CCDC6: variants seen among roughly 807,000 people sequenced by gnomAD.
The protein encoded by CCDC6 is coiled-coil domain containing 6.
A neutral mutation model predicts 56.6 loss-of-function variants in CCDC6; 20 were observed. The observed-to-expected ratio is 0.35, with a 90% CI of 0.25 to 0.51. The LOEUF (loss-of-function observed/expected upper bound fraction) is 0.51. Ranked by LOEUF, CCDC6 falls within the 20% of genes least tolerant of loss-of-function variation. CCDC6 has a pLI of 0.95. For synonymous variants in CCDC6, 241 were observed against 234.4 expected, an observed-to-expected ratio of 1.03 and a Z score of -0.26; for missense variants, 367 against 601.1, an observed-to-expected ratio of 0.61 and a Z score of 4.07.
chr10:59,818,372 C>T (rs2070723964), intron 3 of CCDC6, among the ~76,000 whole-genome samples: 1 of 151,872 alleles, frequency 6.6e-6, no homozygotes, highest in South Asian at 2.1e-4. Context: ...GGTTTGCTGT[C>T]CCAATTTGCT....
chr10:59,789,189 T>C lies in CCDC6; in HGVS notation c.*3728A>G, dbSNP rs182345896. 9.0e-4 allele frequency: 209 copies of C among 230,962 alleles called. 1 individual carries two copies. Among genetic ancestry groups the C allele is most frequent in the African/African-American group, 4.3e-3 (196 of 45,312 alleles). 14.3% of individuals were successfully genotyped at this position (230,962 alleles called of 1,614,324 possible). A position where few individuals can be genotyped will look rare whatever the true frequency, so the allele number is the denominator to read the frequency against. On this transcript the variant is annotated 3_prime_UTR_variant, in exon 9 of 9. Transcript: ENST00000263102. The stretch of plus-strand genomic sequence containing the variant: ...TGCCAGGATGAAGTTCAGACCGAGA[T>C]GTACAATACAATCTAGATGACGGTG...
At chr10:59,880,674 A>G (rs1394305917) in intron 1 of CCDC6, among the ~76,000 whole-genome samples, 1 of 152,242 alleles carries the variant, frequency 6.6e-6, no homozygotes, top group Non-Finnish European at 1.5e-5. Context: ...AAAGGAAAAG[A>G]TAAAGTGGTA....
chr10:59,827,379 G>A (rs1479300014), intron 3 of CCDC6, among the ~76,000 whole-genome samples: 1 of 152,164 alleles, frequency 6.6e-6, no homozygotes, highest in Admixed American at 6.5e-5. Flanking sequence ...TCAGTGACTA[G>A]GTTACCATAT....
Position 59,812,735 on chromosome 10 carries a change from G to A in CCDC6, c.747C>T (p.Ser249=), listed in dbSNP as rs1336556926. The A allele has an allele frequency of 2.5e-6, 4 of 1,609,292 alleles. No homozygotes were observed. The highest frequency in any genetic ancestry group is 2.7e-5 in the African/African-American group (2 of 74,778). Residue 249 remains serine, a synonymous_variant, in exon 5 of 9, where the codon TCC becomes TCT. Transcript: ENST00000263102. ...TATTTTCTGGAGAATCAATCTCCAT[G>A]GAGATATCTCTAGGCGATGGTGGAG... ...VSAPPSPRDI[S]MEIDSPENMM...
At position 59,852,086 on chromosome 10, in the gene CCDC6, C is replaced by T. The variant is rs75059403; in HGVS notation, c.453+467G>A. ...AACATATTACTCACCCATTTGAACA[C>T]GGTTGATTGTGGGTAGTTTTAACTA... is the stretch of plus-strand genomic sequence containing the variant. On this transcript the variant is annotated intron_variant, in intron 2 of 8. Coordinates refer to ENST00000263102, the MANE Select transcript of CCDC6 (RefSeq NM_005436.5). Among the ~76,000 whole-genome samples the T allele has an allele frequency of 2.3e-3, 343 of 152,238 alleles. 2 individuals are homozygous for T. The highest frequency in any genetic ancestry group is 7.9e-3 in the African/African-American group (328 of 41,538).
intron 7 of CCDC6, among the ~76,000 whole-genome samples, chr10:59,802,130 C>A (rs1200225519): frequency 6.6e-6 from 1 of 152,140 alleles, no homozygotes; most frequent in Non-Finnish European, 1.5e-5. Flanking sequence ...AAATGATGGA[C>A]AAACTGAAAG....
At chr10:59,891,008 G>C (rs1394556245) in intron 1 of CCDC6, among the ~76,000 whole-genome samples, 4 of 152,026 alleles carry the variant, frequency 2.6e-5, no homozygotes, top group African/African-American at 9.7e-5. Context: ...CTTGCGATAG[G>C]GCAGACAGAT....
At chr10:59,840,560 A>G (rs1282776426) in intron 2 of CCDC6, among the ~76,000 whole-genome samples, 3 of 152,166 alleles carry the variant, frequency 2.0e-5, no homozygotes, top group Non-Finnish European at 4.4e-5. Context: ...TCCCAAATTT[A>G]TATCTCTAGC....
At chr10:59,878,952 T>C (rs2071308447) in intron 1 of CCDC6, among the ~76,000 whole-genome samples, 1 of 152,202 alleles carries the variant, frequency 6.6e-6, no homozygotes, top group South Asian at 2.1e-4. Context: ...GGAAGGGATA[T>C]CTTCTTGGCC....
Position 59,788,989 on chromosome 10 carries a change from C to T in CCDC6, c.*3928G>A, listed in dbSNP as rs1381113208. ...TGCACAGATATGCAGAGGCAAAAGG[C>T]ATGCTAGCGCTTGGCTCTCCTCTTT... On this transcript the variant is annotated 3_prime_UTR_variant, in exon 9 of 9. Coordinates refer to ENST00000263102, the MANE Select transcript of CCDC6 (RefSeq NM_005436.5). 4.6e-6 allele frequency: 1 copy of T among 219,442 alleles called. No individual in the cohort carries two copies. Among genetic ancestry groups the T allele is most frequent in the African/African-American group, 2.2e-5 (1 of 44,552 alleles). The allele number at this position is 219,442 out of a possible 1,614,324, so 13.6% of individuals were successfully genotyped here. A position where few individuals can be genotyped will look rare whatever the true frequency, so the allele number is the denominator to read the frequency against.
intron 7 of CCDC6, among the ~76,000 whole-genome samples, chr10:59,801,044 TAAAAG>T (rs1033082249): frequency 3.3e-5 from 5 of 152,152 alleles, no homozygotes; most frequent in African/African-American, 9.7e-5. Context: ...ACCAACTACT[TAAAAG>T]AAAACTGCAA....
rs1217819021 is a variant in CCDC6, at chr10:59,906,446, G to A, written c.-22C>T. On this transcript the variant is annotated 5_prime_UTR_variant, in exon 1 of 9. Coordinates refer to ENST00000263102, the MANE Select transcript of CCDC6 (RefSeq NM_005436.5). ...CCATGGCCGCGGCGGGCTGGGGAAA[G>A]GAGGAGGAGCAGCAGGGAGGCGGCG... 25 of 1,491,468 alleles carry A rather than the reference G, an allele frequency of 1.7e-5. No individual in the cohort carries two copies. Among genetic ancestry groups the A allele is most frequent in the Non-Finnish European group, 2.1e-5 (24 of 1,136,856 alleles). 92.4% of individuals were successfully genotyped at this position (1,491,468 alleles called of 1,614,324 possible). A position where few individuals can be genotyped will look rare whatever the true frequency, so the allele number is the denominator to read the frequency against.
At chr10:59,858,940 T>C (rs535417068) in intron 1 of CCDC6, among the ~76,000 whole-genome samples, 2 of 152,310 alleles carry the variant, frequency 1.3e-5, no homozygotes, top group East Asian at 3.9e-4. Context: ...AAGGTCGCTG[T>C]GCCTTTGTCC....
At chr10:59,825,317 G>A (rs1370550837) in intron 3 of CCDC6, among the ~76,000 whole-genome samples, 3 of 152,188 alleles carry the variant, frequency 2.0e-5, no homozygotes, top group African/African-American at 7.2e-5. Context: ...AGGGGTTTCT[G>A]CTTTTGCGTA....
intron 1 of CCDC6, among the ~76,000 whole-genome samples, chr10:59,893,363 C>T (rs899006780): frequency 1.3e-5 from 2 of 152,110 alleles, no homozygotes; most frequent in African/African-American, 4.8e-5. Flanking sequence ...CTTTGGGAAG[C>T]TGAGGTGGGA....
intron 1 of CCDC6, among the ~76,000 whole-genome samples, chr10:59,901,397 G>C (rs889486001): frequency 3.3e-5 from 5 of 152,194 alleles, no homozygotes; most frequent in Non-Finnish European, 2.9e-5. Flanking sequence ...TAGACTTCCA[G>C]AGTAAATAAT....
intron 1 of CCDC6, among the ~76,000 whole-genome samples, chr10:59,897,287 C>T (rs1394340590): frequency 6.6e-6 from 1 of 151,136 alleles, no homozygotes; most frequent in African/African-American, 2.4e-5. Context: ...GAGTTTCACT[C>T]CTGTTGCCCA....
intron 1 of CCDC6, among the ~76,000 whole-genome samples, chr10:59,873,610 A>G (rs545100097): frequency 4.8e-4 from 73 of 152,336 alleles, no homozygotes; most frequent in African/African-American, 1.7e-3. Context: ...GGAAACAAAC[A>G]GACCCAACTC....
intron 3 of CCDC6, among the ~76,000 whole-genome samples, chr10:59,821,599 T>C (rs1282956131): frequency 1.3e-5 from 2 of 152,204 alleles, no homozygotes; most frequent in African/African-American, 4.8e-5. Context: ...TTCAGAATTT[T>C]AAGAACAAGT....
Sources: gnomAD v4.1 joint callset for allele counts (sites outside exome capture counted in the v4.1 genomes callset) on GRCh38, gnomAD v4.1.1 for gene constraint, MANE v1.5 for transcripts, NCBI Gene and HGNC (gene_info 2026-07-23, HGNC 2026-07-21) for gene names.